ACOXL: variants seen among roughly 807,000 people sequenced by gnomAD.
The protein encoded by ACOXL is acyl-CoA oxidase like.
A neutral mutation model predicts 71.9 loss-of-function variants in ACOXL; 70 were observed. That is an observed-to-expected ratio of 0.97 (90% CI 0.80 to 1.19). ACOXL has a LOEUF of 1.19. ACOXL is among the 50% of genes most tolerant of loss of function. The pLI is 0.00. For missense variants in ACOXL, 703 were observed against 736.3 expected, an observed-to-expected ratio of 0.95 and a Z score of 0.52; for synonymous variants, 253 against 281.6, an observed-to-expected ratio of 0.90 and a Z score of 1.02.
chr2:110,807,167 G>A (rs1487310617), intron 9 of ACOXL, among the ~76,000 whole-genome samples: 3 of 152,178 alleles, frequency 2.0e-5, no homozygotes, highest in African/African-American at 4.8e-5. Context: ...GATCATGATC[G>A]TGGGCAGGAA....
chr2:110,918,651 C>A (rs1346482980), intron 11 of ACOXL, among the ~76,000 whole-genome samples: 1 of 152,086 alleles, frequency 6.6e-6, no homozygotes, highest in African/African-American at 2.4e-5. Flanking sequence ...TGCATTCTAT[C>A]CATCTGACAA....
At chr2:110,743,289 A>G (rs892411712) in intron 1 of ACOXL, among the ~76,000 whole-genome samples, 1 of 152,216 alleles carries the variant, frequency 6.6e-6, no homozygotes, top group Non-Finnish European at 1.5e-5. Flanking sequence ...GTATGCATAT[A>G]TCAGGCAGAT....
At chr2:111,110,539 T>C (rs760464371) in intron 17 of ACOXL, among the ~76,000 whole-genome samples, 1 of 152,206 alleles carries the variant, frequency 6.6e-6, no homozygotes, top group Admixed American at 6.5e-5. Flanking sequence ...TGTTTGTTTC[T>C]GTGCTAGGAG....
intron 16 of ACOXL, among the ~76,000 whole-genome samples, chr2:111,084,304 CACACAA>C (rs1177684189): frequency 1.7e-4 from 22 of 127,510 alleles, no homozygotes; most frequent in African/African-American, 5.4e-4. Flanking sequence ...CACACACACA[CACACAA>C]GAAGTGGAAG....
At chr2:110,988,398 C>G (rs182914592) in intron 13 of ACOXL, among the ~76,000 whole-genome samples, 8 of 152,158 alleles carry the variant, frequency 5.3e-5, no homozygotes, top group Admixed American at 5.2e-4. Flanking sequence ...TGAGATCATG[C>G]CACTGCACTC....
chr2:111,088,977 A>G (rs945802628), intron 16 of ACOXL, among the ~76,000 whole-genome samples: 3 of 152,176 alleles, frequency 2.0e-5, no homozygotes, highest in Non-Finnish European at 4.4e-5. Flanking sequence ...TTCCTTTCTT[A>G]TACTTCCTTT....
chr2:110,913,998 C>T (rs2059746669), intron 11 of ACOXL, among the ~76,000 whole-genome samples: 1 of 152,048 alleles, frequency 6.6e-6, no homozygotes, highest in East Asian at 1.9e-4. Flanking sequence ...CAAACTATAT[C>T]AGGAGAAAAT....
At chr2:111,037,724 A>C (rs1184397630) in intron 15 of ACOXL, among the ~76,000 whole-genome samples, 1 of 152,168 alleles carries the variant, frequency 6.6e-6, no homozygotes, top group Non-Finnish European at 1.5e-5. Context: ...TTGGGGTCAC[A>C]CGCTAATAAG....
rs553470806 is a variant in ACOXL, at chr2:110,793,115, A to G, written c.160-535A>G. Among the ~76,000 whole-genome samples, 6 of 152,302 alleles carry G rather than the reference A, an allele frequency of 3.9e-5. No homozygotes were observed. In the South Asian group the frequency reaches 1.2e-3, roughly 32 times the overall value. On this transcript the variant is annotated intron_variant, in intron 3 of 17. Coordinates refer to ENST00000439055, the MANE Select transcript of ACOXL (RefSeq NM_001142807.4). ...ATCAGATGAGGAAGCTGAGGCTACAATGTCATTTGTCCAAGATCCTGCAGC... is the reference window on the plus strand; with the variant it reads ...ATCAGATGAGGAAGCTGAGGCTACAGTGTCATTTGTCCAAGATCCTGCAGC...
At chr2:110,822,744 G>C (rs905794070) in intron 9 of ACOXL, among the ~76,000 whole-genome samples, 8 of 152,110 alleles carry the variant, frequency 5.3e-5, no homozygotes, top group Non-Finnish European at 1.0e-4. Flanking sequence ...GTAGTTTCGT[G>C]TATCTCCCAT....
At chr2:111,035,877 C>G (rs1041097769) in intron 15 of ACOXL, among the ~76,000 whole-genome samples, 1 of 152,218 alleles carries the variant, frequency 6.6e-6, no homozygotes, top group African/African-American at 2.4e-5. Context: ...TGGGGCTATT[C>G]TTTATATAAA....
At chr2:110,913,975 T>C (rs2059745831) in intron 11 of ACOXL, among the ~76,000 whole-genome samples, 1 of 152,070 alleles carries the variant, frequency 6.6e-6, no homozygotes, top group Non-Finnish European at 1.5e-5. Context: ...ATATGAGATG[T>C]GGAGGGGACA....
At position 110,764,249 on chromosome 2, in the gene ACOXL, T is replaced by G. The variant is rs1680757319; in HGVS notation, c.-22-4119T>G. Reference sequence around the variant, plus strand: ...AATTCTATTCATAATTTCCAAAACTTAGGAGTAACCAAGATGTCTATCAGT... The same window carrying G: ...AATTCTATTCATAATTTCCAAAACTGAGGAGTAACCAAGATGTCTATCAGT... On this transcript the variant is annotated intron_variant, in intron 1 of 17. Coordinates refer to ENST00000439055, the MANE Select transcript of ACOXL (RefSeq NM_001142807.4). Among the ~76,000 whole-genome samples, 2 of 152,222 alleles carry G rather than the reference T, an allele frequency of 1.3e-5. 1 individual carries two copies. The highest frequency in any genetic ancestry group is 4.2e-4 in the South Asian group (2 of 4,818).
intron 17 of ACOXL, among the ~76,000 whole-genome samples, chr2:111,112,678 C>T (rs1008103909): frequency 2.0e-5 from 3 of 152,210 alleles, no homozygotes; most frequent in Admixed American, 1.3e-4. Context: ...TGCCCATTTT[C>T]ACCAGTCACG....
intron 9 of ACOXL, among the ~76,000 whole-genome samples, chr2:110,810,402 A>T (rs1687165886): frequency 6.6e-6 from 1 of 152,072 alleles, no homozygotes. Context: ...TGTCATGGAA[A>T]TCGTTTTACT....
chr2:110,933,598 AACATCCGCTGCCTGCAGG>A lies in ACOXL; in HGVS notation c.1018_1035del (p.Ile340_Asp345del). 1 of 1,613,586 alleles carries A rather than the reference AACATCCGCTGCCTGCAGG, an allele frequency of 6.2e-7. No homozygotes were observed. The highest frequency in any genetic ancestry group is 8.5e-7 in the Non-Finnish European group (1 of 1,179,932). ...GCTGAAGGCCTACAGCACCTGGGAG[AACATCCGCTGCCTGCAGG>A]ACTGCCGCGAGTGCACTGGAGGCAT... is the stretch of plus-strand genomic sequence containing the variant. On this transcript the variant is annotated inframe_deletion, in exon 12 of 18. Coordinates refer to ENST00000439055, the MANE Select transcript of ACOXL (RefSeq NM_001142807.4).
At chr2:111,017,164 C>G (rs1422806470) in intron 14 of ACOXL, among the ~76,000 whole-genome samples, 1 of 152,216 alleles carries the variant, frequency 6.6e-6, no homozygotes, top group Admixed American at 6.5e-5. Flanking sequence ...CAGACTTGCC[C>G]TGGGGTGAGG....
intron 1 of ACOXL, among the ~76,000 whole-genome samples, chr2:110,744,411 C>A (rs957991910): frequency 6.6e-5 from 10 of 152,270 alleles, no homozygotes; most frequent in Admixed American, 3.3e-4. Context: ...CAGGGTTTGA[C>A]ATTATATGTT....
chr2:110,811,051 C>G (rs1687256740), intron 9 of ACOXL, among the ~76,000 whole-genome samples: 1 of 152,228 alleles, frequency 6.6e-6, no homozygotes, highest in Non-Finnish European at 1.5e-5. Context: ...TAATTATCTT[C>G]ACCGGGTCCC....
Sources: allele counts gnomAD v4.1 joint callset (sites outside exome capture counted in the v4.1 genomes callset), GRCh38; gene constraint gnomAD v4.1.1; transcripts MANE v1.5; gene names NCBI Gene and HGNC (gene_info 2026-07-23, HGNC 2026-07-21).